The following WWOX variants were observed in gnomAD, a reference collection of about 807,000 sequenced individuals.
The protein encoded by WWOX is WW domain containing oxidoreductase.
Under a neutral mutation model 46.2 loss-of-function variants are expected in WWOX, and 69 were observed. That is an observed-to-expected ratio of 1.49 (90% confidence interval 1.23 to 1.82). The LOEUF (loss-of-function observed/expected upper bound fraction) is 1.82, where lower values mean the gene tolerates loss of function less well. WWOX is among the 40% of genes most tolerant of loss of function. The pLI, the probability that WWOX is intolerant of heterozygous loss-of-function variation, is 0.00. For synonymous variants in WWOX, 359 were observed against 202.6 expected (o/e 1.77, Z -6.56); for missense variants, 919 against 542.6 (o/e 1.69, Z -6.89).
At chr16:78,722,445 A>T (rs1309921392) in intron 8 of WWOX, among the ~76,000 whole-genome samples, 3 of 152,208 alleles carry the variant, frequency 2.0e-5, no homozygotes, top group Admixed American at 6.5e-5. Flanking sequence ...AGCAGTTGTC[A>T]AGTACTTGGC....
At chr16:79,055,413 C>T (rs748323473) in intron 8 of WWOX, among the ~76,000 whole-genome samples, 4 of 151,960 alleles carry the variant, frequency 2.6e-5, no homozygotes, top group Admixed American at 6.6e-5. Flanking sequence ...GCTGAGTGGC[C>T]GTGTAAAATG....
chr16:78,673,767 T>C (rs575613765), intron 8 of WWOX, among the ~76,000 whole-genome samples: 6 of 152,232 alleles, frequency 3.9e-5, no homozygotes, highest in Non-Finnish European at 8.8e-5. Flanking sequence ...ATCCATGTTA[T>C]TTCAATACAA....
rs1303538108 is a variant in WWOX, at chr16:78,134,607, C to G, written c.409+19453C>G. ...TATCTGCCATTATAGTATTTAAGCT[C>G]TTGGAAACATCAGGCATTTGTTAAC... On this transcript the variant is annotated intron_variant, in intron 4 of 8. Transcript: ENST00000566780. Among the ~76,000 whole-genome samples, 4 of 152,202 alleles carry G rather than the reference C, an allele frequency of 2.6e-5. No individual in the cohort carries two copies. In the East Asian group the frequency reaches 7.7e-4, roughly 29 times the overall value.
chr16:78,719,166 C>T (rs538485336), intron 8 of WWOX, among the ~76,000 whole-genome samples: 33 of 152,266 alleles, frequency 2.2e-4, no homozygotes, highest in African/African-American at 7.7e-4. Flanking sequence ...TCTTTCTTCC[C>T]AAAGCCTGTT....
chr16:78,590,242 C>G (rs906324673), intron 8 of WWOX, among the ~76,000 whole-genome samples: 7 of 152,026 alleles, frequency 4.6e-5, no homozygotes, highest in African/African-American at 1.7e-4. Context: ...AATTCAAGAT[C>G]AAGATGCAGA....
intron 6 of WWOX, among the ~76,000 whole-genome samples, chr16:78,417,049 G>C (rs1017684013): frequency 6.6e-6 from 1 of 151,958 alleles, no homozygotes; most frequent in Non-Finnish European, 1.5e-5. Flanking sequence ...GGGTGTGTGT[G>C]TGTTTGCTTC....
chr16:79,153,805 G>A (rs529151744), intron 8 of WWOX, among the ~76,000 whole-genome samples: 3 of 152,024 alleles, frequency 2.0e-5, no homozygotes, highest in Non-Finnish European at 4.4e-5. Flanking sequence ...AGGAGAATGC[G>A]TGCTCTTTTA....
chr16:78,542,231 T>C (rs893359333), intron 8 of WWOX, among the ~76,000 whole-genome samples: 1 of 151,974 alleles, frequency 6.6e-6, no homozygotes, highest in African/African-American at 2.4e-5. Flanking sequence ...GCCGGATGGA[T>C]GAACCTACGT....
intron 8 of WWOX, among the ~76,000 whole-genome samples, chr16:78,542,698 C>G (rs1002704460): frequency 7.2e-5 from 11 of 152,180 alleles, no homozygotes; most frequent in Non-Finnish European, 1.3e-4. Context: ...ATTAAATAGA[C>G]AATTCTTCTA....
At chr16:78,124,878 A>G (rs2033292790) in intron 4 of WWOX, among the ~76,000 whole-genome samples, 1 of 152,158 alleles carries the variant, frequency 6.6e-6, no homozygotes, top group African/African-American at 2.4e-5. Context: ...GAGATCTGAG[A>G]CAGAGAGATG....
At chr16:79,137,736 C>G (rs1447520901) in intron 8 of WWOX, among the ~76,000 whole-genome samples, 3 of 152,102 alleles carry the variant, frequency 2.0e-5, no homozygotes, top group Non-Finnish European at 4.4e-5. Flanking sequence ...CCCCACTCCT[C>G]CTGCTCTCCA....
intron 8 of WWOX, among the ~76,000 whole-genome samples, chr16:78,565,226 C>G (rs892508988): frequency 6.6e-6 from 1 of 152,186 alleles, no homozygotes; most frequent in African/African-American, 2.4e-5. Context: ...TTGTTATAAA[C>G]AAATTACCAA....
At chr16:78,323,778 AT>A (rs1241285297) in intron 5 of WWOX, among the ~76,000 whole-genome samples, 4 of 152,074 alleles carry the variant, frequency 2.6e-5, no homozygotes, top group African/African-American at 9.7e-5. Context: ...TGTAACATAT[AT>A]TTTCTTTTTC....
intron 8 of WWOX, among the ~76,000 whole-genome samples, chr16:78,600,269 A>G (rs535366515): frequency 1.3e-5 from 2 of 152,118 alleles, no homozygotes; most frequent in East Asian, 1.9e-4. Flanking sequence ...TTGGATAGGG[A>G]CACAGCCAAA....
At chr16:79,032,064 A>G (rs907311412) in intron 8 of WWOX, among the ~76,000 whole-genome samples, 6 of 144,466 alleles carry the variant, frequency 4.2e-5, no homozygotes, top group African/African-American at 1.3e-4. Context: ...TATGTAATAT[A>G]TATATTATAT....
At chr16:79,020,198 T>A (rs918647110) in intron 8 of WWOX, among the ~76,000 whole-genome samples, 1 of 152,300 alleles carries the variant, frequency 6.6e-6, no homozygotes, top group African/African-American at 2.4e-5. Context: ...AGAACAATTA[T>A]AATAAAGCAA....
At position 78,313,652 on chromosome 16, in the gene WWOX, C is replaced by G. The variant is rs543504025; in HGVS notation, c.517-73208C>G. 3.9e-5 allele frequency among the ~76,000 whole-genome samples: 6 copies of G among 152,300 alleles called. No homozygotes were observed. In the East Asian group the frequency reaches 1.2e-3, roughly 29 times the overall value. On this transcript the variant is annotated intron_variant, in intron 5 of 8. Transcript: ENST00000566780. ...AGGTGTTGGGATTACGGGCATGAGC[C>G]ACTGCGTCAGGCCTATTGTTTTTCC...
At chr16:78,641,976 C>T (rs536859749) in intron 8 of WWOX, among the ~76,000 whole-genome samples, 8 of 152,078 alleles carry the variant, frequency 5.3e-5, no homozygotes, top group African/African-American at 1.7e-4. Flanking sequence ...TATCAAGAGC[C>T]GTAAGTCCTT....
intron 8 of WWOX, among the ~76,000 whole-genome samples, chr16:78,504,713 T>A (rs1181717771): frequency 6.6e-6 from 1 of 152,096 alleles, no homozygotes; most frequent in Non-Finnish European, 1.5e-5. Flanking sequence ...AGTTTCTCAA[T>A]TGCAAAAGTG....
Sources: gnomAD v4.1 joint callset for allele counts (sites outside exome capture counted in the v4.1 genomes callset) on GRCh38, gnomAD v4.1.1 for gene constraint, MANE v1.5 for transcripts, NCBI Gene and HGNC (gene_info 2026-07-23, HGNC 2026-07-21) for gene names.